KCNH7: variants seen among roughly 807,000 people sequenced by gnomAD.
The protein encoded by KCNH7 is voltage-gated inwardly rectifying potassium channel KCNH7.
Under a neutral mutation model 120.8 loss-of-function variants are expected in KCNH7, and 49 were observed. That is an observed-to-expected ratio of 0.41 (90% CI 0.32 to 0.51). The LOEUF (loss-of-function observed/expected upper bound fraction) is 0.51, where lower values mean the gene tolerates loss of function less well. KCNH7 is among the 20% of genes least tolerant of loss of function. KCNH7 has a pLI of 0.38. For missense variants in KCNH7, 1,097 were observed against 1,446.6 expected, an observed-to-expected ratio of 0.76 and a Z score of 3.92; for synonymous variants, 547 against 516.1, an observed-to-expected ratio of 1.06 and a Z score of -0.81.
chr2:162,494,303 A>G (rs939812506), intron 6 of KCNH7, among the ~76,000 whole-genome samples: 1 of 152,150 alleles, frequency 6.6e-6, no homozygotes, highest in Non-Finnish European at 1.5e-5. Flanking sequence ...ATTCTATTTC[A>G]TAATATCAAG....
At chr2:162,509,088 G>A (rs1472838666) in intron 5 of KCNH7, among the ~76,000 whole-genome samples, 11 of 151,318 alleles carry the variant, frequency 7.3e-5, no homozygotes, top group African/African-American at 1.9e-4. Context: ...TATTTCAAGG[G>A]TCTGATTAAA....
At chr2:162,378,176 A>C (rs1164240021) in intron 14 of KCNH7, among the ~76,000 whole-genome samples, 1 of 152,226 alleles carries the variant, frequency 6.6e-6, no homozygotes, top group Non-Finnish European at 1.5e-5. Context: ...AACAACTTCC[A>C]TTTTGTATAG....
chr2:162,599,225 A>G (rs751625948), intron 2 of KCNH7, among the ~76,000 whole-genome samples: 10 of 151,868 alleles, frequency 6.6e-5, no homozygotes, highest in Non-Finnish European at 1.3e-4. Context: ...TAAATAAATA[A>G]TAAAAAGAAA....
At chr2:162,648,766 C>T (rs1381538397) in intron 2 of KCNH7, among the ~76,000 whole-genome samples, 1 of 151,920 alleles carries the variant, frequency 6.6e-6, no homozygotes, top group East Asian at 1.9e-4. Context: ...TAGACCTTTA[C>T]CACCCCCCCA....
At chr2:162,677,420 C>T (rs905318640) in intron 2 of KCNH7, among the ~76,000 whole-genome samples, 2 of 151,456 alleles carry the variant, frequency 1.3e-5, no homozygotes, top group African/African-American at 4.8e-5. Context: ...CTTCATACCT[C>T]ATTCAAGACC....
chr2:162,739,549 A>G (rs1688046495), intron 2 of KCNH7, among the ~76,000 whole-genome samples: 1 of 152,068 alleles, frequency 6.6e-6, no homozygotes, highest in Non-Finnish European at 1.5e-5. Flanking sequence ...TCTGGAATAC[A>G]TTGCTCCAGG....
At chr2:162,444,586 T>G (rs931978528) in intron 7 of KCNH7, among the ~76,000 whole-genome samples, 4 of 152,170 alleles carry the variant, frequency 2.6e-5, no homozygotes, top group African/African-American at 9.6e-5. Context: ...ACTTTAAAAT[T>G]TAAAAGACAC....
chr2:162,768,160 A>T (rs1559124287), intron 2 of KCNH7, among the ~76,000 whole-genome samples: 1 of 152,218 alleles, frequency 6.6e-6, no homozygotes, highest in Non-Finnish European at 1.5e-5. Context: ...AAACAAATTT[A>T]AGTTCCTAAA....
chr2:162,400,238 G>T lies in KCNH7; in HGVS notation c.2358C>A (p.Ser786=). 2 of 1,612,178 alleles carry T rather than the reference G, an allele frequency of 1.2e-6. No homozygotes were observed. The highest frequency in any genetic ancestry group is 1.7e-6 in the Non-Finnish European group (2 of 1,178,828). Residue 786 remains serine, a synonymous_variant, in exon 10 of 16, where the codon TCC becomes TCA. Coordinates refer to ENST00000332142, the MANE Select transcript of KCNH7 (RefSeq NM_033272.4). The stretch of plus-strand genomic sequence containing the variant: ...CTTTGAGAATTTCAATGGAGCCTCT[G>T]GATAAGAAATAAAGTGCAGTGAGGA... ...GDVLTALYFL[S]RGSIEILKDD... is the part of the protein sequence containing the mutation.
At chr2:162,424,429 A>C (rs1159209222) in intron 8 of KCNH7, among the ~76,000 whole-genome samples, 1 of 152,194 alleles carries the variant, frequency 6.6e-6, no homozygotes, top group East Asian at 1.9e-4. Context: ...TCTGTACAGA[A>C]AGTCACATCA....
At chr2:162,608,253 A>T (rs1403119430) in intron 2 of KCNH7, among the ~76,000 whole-genome samples, 1 of 152,172 alleles carries the variant, frequency 6.6e-6, no homozygotes, top group Non-Finnish European at 1.5e-5. Context: ...ACTCTGTGGG[A>T]GGGTTTGATA....
At chr2:162,410,877 T>G (rs376816239) in intron 9 of KCNH7, among the ~76,000 whole-genome samples, 1 of 151,986 alleles carries the variant, frequency 6.6e-6, no homozygotes, top group South Asian at 2.1e-4. Flanking sequence ...ATCAGAGAAA[T>G]GCAAATCACA....
intron 2 of KCNH7, among the ~76,000 whole-genome samples, chr2:162,547,594 C>T (rs1319359574): frequency 1.3e-5 from 2 of 152,094 alleles, no homozygotes; most frequent in Non-Finnish European, 2.9e-5. Context: ...CACTAAATAT[C>T]CCCATTTTAT....
At position 162,655,815 on chromosome 2, in the gene KCNH7, A is replaced by T. The variant is rs570572324; in HGVS notation, c.308-118735T>A. ...TCAAAAAACAAAAAACAAAAAACGA[A>T]TTATTGTGGTCATATTTTGAGATAG... On this transcript the variant is annotated intron_variant, in intron 2 of 15. Coordinates refer to ENST00000332142, the MANE Select transcript of KCNH7 (RefSeq NM_033272.4). Among the ~76,000 whole-genome samples, 5 of 152,162 alleles carry T rather than the reference A, an allele frequency of 3.3e-5. No individual in the cohort carries two copies. In the East Asian group the frequency reaches 9.7e-4, roughly 29 times the overall value.
rs1221219538 is a variant in KCNH7 at position 162,836,556 on chromosome 2, G to A, written c.288C>T (p.Val96=). 2 of 1,613,432 alleles carry A rather than the reference G, an allele frequency of 1.2e-6. No individual in the cohort carries two copies. The highest frequency in any genetic ancestry group is 1.7e-6 in the Non-Finnish European group (2 of 1,179,548). ...LLGSEERKVE[V]TYYHKNGSTF... ...TTTTACCATTTTTGTGATAGTAGGT[G>A]ACCTCCACTTTCCTCTCTTCTGACC... The change falls in exon 2 of 16, where the codon GTC becomes GTT. Residue 96 remains valine, a synonymous_variant. Coordinates refer to ENST00000332142, the MANE Select transcript of KCNH7 (RefSeq NM_033272.4).
At chr2:162,728,740 T>C (rs1423997011) in intron 2 of KCNH7, among the ~76,000 whole-genome samples, 3 of 152,170 alleles carry the variant, frequency 2.0e-5, no homozygotes. Context: ...ATTGCGCCAT[T>C]GTACTCCAGC....
At chr2:162,664,014 TG>T in intron 2 of KCNH7, among the ~76,000 whole-genome samples, 1 of 152,280 alleles carries the variant, frequency 6.6e-6, no homozygotes, top group East Asian at 1.9e-4. Flanking sequence ...TCCAAGACCA[TG>T]CCAATGCTAT....
At chr2:162,478,320 T>TA (rs1426278279) in intron 6 of KCNH7, among the ~76,000 whole-genome samples, 1 of 152,170 alleles carries the variant, frequency 6.6e-6, no homozygotes, top group Non-Finnish European at 1.5e-5. Context: ...CATAGACTGT[T>TA]ACAGGTGGAA....
At position 162,628,712 on chromosome 2, in the gene KCNH7, G is replaced by A. The variant is rs1460264564; in HGVS notation, c.308-91632C>T. Among the ~76,000 whole-genome samples the A allele has an allele frequency of 2.6e-5, 4 of 151,768 alleles. No individual in the cohort carries two copies. In the East Asian group the frequency reaches 7.8e-4, roughly 29 times the overall value. On this transcript the variant is annotated intron_variant, in intron 2 of 15. Coordinates refer to ENST00000332142, the MANE Select transcript of KCNH7 (RefSeq NM_033272.4). ...TGCAGTATTTGTTTTTTTTGTTGTT[G>A]TTGCTGTGTCAGTTTGCTAAGGATA...
Sources: allele counts gnomAD v4.1 joint callset (sites outside exome capture counted in the v4.1 genomes callset), GRCh38; gene constraint gnomAD v4.1.1; transcripts MANE v1.5; gene names NCBI Gene and HGNC (gene_info 2026-07-23, HGNC 2026-07-21).